Variants in CUEDC1 observed in about 807,000 individuals in gnomAD.
The protein encoded by CUEDC1 is CUE domain containing 1, also known as CUE domain-containing protein 1.
In CUEDC1, 30 loss-of-function variants were observed where a neutral mutation model predicts 43.7. That is an observed-to-expected ratio of 0.69 (90% CI 0.51 to 0.93). The LOEUF (loss-of-function observed/expected upper bound fraction) is 0.93. Ranked by LOEUF, CUEDC1 falls within the 40% of genes least tolerant of loss-of-function variation. The pLI, the probability that CUEDC1 is intolerant of heterozygous loss-of-function variation, is 0.00. For missense variants in CUEDC1, 486 were observed against 549.0 expected, an observed-to-expected ratio of 0.89 and a Z score of 1.15; for synonymous variants, 223 against 223.6, an observed-to-expected ratio of 1.00 and a Z score of 0.02.
intron 3 of CUEDC1, 145 bp downstream of exon 3, chr17:57,879,466 A>G: frequency 9.0e-7 from 1 of 1,115,730 alleles, no homozygotes; most frequent in Non-Finnish European, 1.2e-6. Context: ...CTTGGTATCT[A>G]GCTAAAATGT....
Position 57,954,645 on chromosome 17 carries a change from C to T in CUEDC1, c.-316+580G>A, listed in dbSNP as rs2075038664. 6.6e-6 allele frequency among the ~76,000 whole-genome samples: 1 copy of T among 152,210 alleles called. No homozygotes were observed. The highest frequency in any genetic ancestry group is 2.4e-5 in the African/African-American group (1 of 41,524). ...CTGGCCGAGCTGACGGGAGATACAG[C>T]TCCCAGGGGACCGGGAGGGACCAAA... is the stretch of plus-strand genomic sequence containing the variant. On this transcript the variant is annotated intron_variant, in intron 1 of 10. Coordinates refer to ENST00000577830, the MANE Select transcript of CUEDC1 (RefSeq NM_001271875.2). The surrounding 1 kb of genome is among the most constrained non-coding windows in gnomAD (Gnocchi z 4.3).
intron 1 of CUEDC1, among the ~76,000 whole-genome samples, chr17:57,935,366 T>C (rs1598020317): frequency 1.6e-5 from 2 of 128,660 alleles, no homozygotes; most frequent in African/African-American, 2.7e-5. Flanking sequence ...TAAGCTTCCC[T>C]CCCTTCCATT....
chr17:57,883,237 G>A (rs778862251), intron 2 of CUEDC1, among the ~76,000 whole-genome samples: 58 of 152,300 alleles, frequency 3.8e-4, no homozygotes, highest in Admixed American at 7.2e-4. Flanking sequence ...TGCTATGTGC[G>A]TGGATTGTCC....
At position 57,954,913 on chromosome 17, in the gene CUEDC1, C is replaced by A. The variant is rs1371671391; in HGVS notation, c.-316+312G>T. On this transcript the variant is annotated intron_variant, in intron 1 of 10. Coordinates refer to ENST00000577830, the MANE Select transcript of CUEDC1 (RefSeq NM_001271875.2). The surrounding 1 kb of genome is among the most constrained non-coding windows in gnomAD (Gnocchi z 4.3). The stretch of plus-strand genomic sequence containing the variant: ...CCCTGCGGCGCTGGCCCGCGCCCCC[C>A]GGTCTAATCGCGCGCCCCGCTCCCG... Among the ~76,000 whole-genome samples, 3 of 151,794 alleles carry A rather than the reference C, an allele frequency of 2.0e-5. No homozygotes were observed. The highest frequency in any genetic ancestry group is 4.4e-5 in the Non-Finnish European group (3 of 67,870).
At chr17:57,947,664 G>T (rs997709220) in intron 1 of CUEDC1, among the ~76,000 whole-genome samples, 16 of 152,080 alleles carry the variant, frequency 1.1e-4, no homozygotes, top group Admixed American at 7.9e-4. Context: ...AGCTGTTTGT[G>T]ATGGCGTATG....
At chr17:57,904,744 C>T (rs1263855283) in intron 1 of CUEDC1, among the ~76,000 whole-genome samples, 6 of 152,074 alleles carry the variant, frequency 3.9e-5, no homozygotes, top group Non-Finnish European at 7.4e-5. Context: ...AGGGGCTAGG[C>T]GTGGGGGGAT....
intron 3 of CUEDC1, 83 bp from the exon 4 acceptor site, chr17:57,873,800 G>A: frequency 2.2e-6 from 3 of 1,391,608 alleles, no homozygotes; most frequent in Admixed American, 2.7e-5. Context: ...AGGTCCTCAG[G>A]CAGGTCGGAT....
At chr17:57,878,393 A>G (rs907013893) in intron 3 of CUEDC1, among the ~76,000 whole-genome samples, 1 of 152,186 alleles carries the variant, frequency 6.6e-6, no homozygotes, top group Admixed American at 6.5e-5. Context: ...AGTCAATGCT[A>G]GCTACACTTG....
chr17:57,933,382 C>T (rs967230610), intron 1 of CUEDC1, among the ~76,000 whole-genome samples: 4 of 152,188 alleles, frequency 2.6e-5, no homozygotes, highest in Non-Finnish European at 5.9e-5. Flanking sequence ...TTCTTTTTCC[C>T]TGTCTCCACA....
chr17:57,866,475 T>G lies in CUEDC1; in HGVS notation c.*2A>C. The G allele has an allele frequency of 6.2e-7, 1 of 1,614,028 alleles. No homozygotes were observed. The highest frequency in any genetic ancestry group is 8.5e-7 in the Non-Finnish European group (1 of 1,179,928). ...GGTTGCTATGGCTCCAGGCCTTACC[T>G]CTTACTGTCCTTCTCGCAGGCCTTC... On this transcript the variant is annotated splice_region_variant and 3_prime_UTR_variant, in exon 10 of 11. Coordinates refer to ENST00000577830, the MANE Select transcript of CUEDC1 (RefSeq NM_001271875.2).
At chr17:57,899,642 A>T (rs2074450650) in intron 1 of CUEDC1, among the ~76,000 whole-genome samples, 1 of 151,920 alleles carries the variant, frequency 6.6e-6, no homozygotes, top group Non-Finnish European at 1.5e-5. Flanking sequence ...TGCCACACAC[A>T]CCAGCTCACT....
At chr17:57,884,823 C>G (rs578246788) in intron 2 of CUEDC1, among the ~76,000 whole-genome samples, 3 of 152,336 alleles carry the variant, frequency 2.0e-5, no homozygotes, top group African/African-American at 7.2e-5. Context: ...GGACTGTGAG[C>G]TCCAGGAGGG....
rs369689277 is a variant in CUEDC1, at chr17:57,866,454, G to A, written c.*3+20C>T. 131 of 1,612,642 alleles carry A rather than the reference G, an allele frequency of 8.1e-5. No individual in the cohort carries two copies. Among genetic ancestry groups the A allele is most frequent in the Non-Finnish European group, 9.7e-5 (114 of 1,178,900 alleles). On this transcript the variant is annotated intron_variant, in intron 10 of 10. Transcript: ENST00000577830. ...CCTGGCCTTGGGCAGTCCCTGGGTTGCTATGGCTCCAGGCCTTACCTCTTA... is the reference window on the plus strand; with the variant it reads ...CCTGGCCTTGGGCAGTCCCTGGGTTACTATGGCTCCAGGCCTTACCTCTTA...
intron 1 of CUEDC1, among the ~76,000 whole-genome samples, chr17:57,916,452 C>T (rs1426156634): frequency 2.0e-5 from 3 of 152,208 alleles, no homozygotes; most frequent in Non-Finnish European, 4.4e-5. Flanking sequence ...CACTTGGCAT[C>T]GATTTGCCCA....
intron 1 of CUEDC1, among the ~76,000 whole-genome samples, chr17:57,900,604 G>A (rs950372925): frequency 2.0e-5 from 3 of 152,098 alleles, no homozygotes; most frequent in Admixed American, 6.6e-5. Flanking sequence ...TTTAATCCTC[G>A]TGACAATGTA....
At chr17:57,871,237 G>C in intron 6 of CUEDC1, 49 bp downstream of exon 6, 2 of 1,418,936 alleles carry the variant, frequency 1.4e-6, no homozygotes, top group South Asian at 1.1e-5. Context: ...AGTTGGGTGT[G>C]AGCTCCCCAC....
Position 57,862,915 on chromosome 17 carries a change from G to T in CUEDC1, c.*374C>A. The T allele has an allele frequency of 6.6e-6, 1 of 152,362 alleles. No individual in the cohort carries two copies. The highest frequency in any genetic ancestry group is 1.5e-5 in the Non-Finnish European group (1 of 68,044). The allele number at this position is 152,362 out of a possible 1,614,324, so 9.4% of individuals were successfully genotyped here. On this transcript the variant is annotated 3_prime_UTR_variant, in exon 11 of 11. Coordinates refer to ENST00000577830, the MANE Select transcript of CUEDC1 (RefSeq NM_001271875.2). ...CTTCAGGCCAAAGAGCCTCTGGTGG[G>T]GGTCATCTTGCCCTTTTCCATATTC...
intron 1 of CUEDC1, among the ~76,000 whole-genome samples, chr17:57,951,751 G>A (rs2075009485): frequency 1.3e-5 from 2 of 152,072 alleles, no homozygotes; most frequent in African/African-American, 2.4e-5. Flanking sequence ...GAGCCACCAC[G>A]CCCAGCCTAA....
intron 1 of CUEDC1, among the ~76,000 whole-genome samples, chr17:57,919,471 G>A (rs949352362): frequency 4.6e-5 from 7 of 152,192 alleles, no homozygotes; most frequent in South Asian, 2.1e-4. Context: ...TGTGCCCGGC[G>A]ATATATGTCA....
Sources: allele counts gnomAD v4.1 joint callset (sites outside exome capture counted in the v4.1 genomes callset), GRCh38; gene constraint gnomAD v4.1.1; non-coding constraint Gnocchi (gnomAD v3.1); transcripts MANE v1.5; gene names NCBI Gene and HGNC (gene_info 2026-07-23, HGNC 2026-07-21).